The following ST6GAL1 variants were observed in gnomAD, a reference collection of about 807,000 sequenced individuals.
ST6GAL1 encodes beta-galactoside alpha-2,6-sialyltransferase 1.
In ST6GAL1, 20 loss-of-function variants were observed where a neutral mutation model predicts 38.0. That is an observed-to-expected ratio of 0.53 (90% CI 0.37 to 0.77). The LOEUF (loss-of-function observed/expected upper bound fraction) is 0.77. ST6GAL1 is among the 30% of genes least tolerant of loss of function. The pLI is 0.00. For missense variants in ST6GAL1, 432 were observed against 496.4 expected (o/e 0.87, Z 1.23); for synonymous variants, 196 against 188.2 (o/e 1.04, Z -0.34).
intron 2 of ST6GAL1, among the ~76,000 whole-genome samples, chr3:186,995,769 G>A (rs1156822719): frequency 3.9e-5 from 6 of 152,114 alleles, no homozygotes; most frequent in Admixed American, 3.9e-4. Context: ...GCTTGAGCCC[G>A]GGAGGCAGAG....
chr3:187,023,566 T>G (rs1665607420), intron 2 of ST6GAL1, among the ~76,000 whole-genome samples: 1 of 152,216 alleles, frequency 6.6e-6, no homozygotes, highest in Admixed American at 6.5e-5. Context: ...TGAAAAATGA[T>G]GAGTTCACGT....
At chr3:186,935,908 C>T (rs116539265) in intron 1 of ST6GAL1, among the ~76,000 whole-genome samples, 6 of 151,864 alleles carry the variant, frequency 4.0e-5, no homozygotes, top group Non-Finnish European at 7.4e-5. Context: ...AAGAAAAAAA[C>T]CCAGAACCTT....
Position 187,062,574 on chromosome 3 carries a change from T to TCACACACACACACACACACACA in ST6GAL1, c.706-10264_706-10243dup, listed in dbSNP as rs57175575. ...CATTATGCCAAGTGAAATAAGCCAG[T>TCACACACACACACACACACACA]CACACACACACACACACACACACAC... On this transcript the variant is annotated intron_variant, in intron 5 of 7. Transcript: ENST00000169298. Among the ~76,000 whole-genome samples, 139 of 143,914 alleles carry TCACACACACACACACACACACA rather than the reference T, an allele frequency of 9.7e-4. 2 individuals are homozygous for TCACACACACACACACACACACA. Among genetic ancestry groups the TCACACACACACACACACACACA allele is most frequent in the Middle Eastern group, 3.5e-3 (1 of 288 alleles). 94.4% of individuals were successfully genotyped at this position (143,914 alleles called of 152,430 possible).
At chr3:186,961,699 G>A (rs1364920019) in intron 1 of ST6GAL1, among the ~76,000 whole-genome samples, 1 of 152,208 alleles carries the variant, frequency 6.6e-6, no homozygotes, top group Non-Finnish European at 1.5e-5. Context: ...AGGTCCCCAA[G>A]GCTTTTGCCT....
Position 187,069,847 on chromosome 3 carries a change from A to T in ST6GAL1, c.706-3002A>T, listed in dbSNP as rs143098999. 3.4e-3 allele frequency among the ~76,000 whole-genome samples: 525 copies of T among 152,226 alleles called. 1 individual carries two copies. The highest frequency in any genetic ancestry group is 0.012 in the African/African-American group (483 of 41,500). ...CTAGTTGTTCCTGCAAGAGACAGGA[A>T]CACACATCCCCCCACACTAGCTTAA... On this transcript the variant is annotated intron_variant, in intron 5 of 7. Transcript: ENST00000169298.
chr3:187,014,413 C>T (rs1717056937), intron 2 of ST6GAL1, among the ~76,000 whole-genome samples: 1 of 152,212 alleles, frequency 6.6e-6, no homozygotes, highest in African/African-American at 2.4e-5. Context: ...CAGTTACCAG[C>T]CTCTTGATTG....
chr3:187,041,968 T>C (rs1450657995), intron 3 of ST6GAL1: 1 of 152,156 alleles, frequency 6.6e-6, no homozygotes, highest in Non-Finnish European at 1.5e-5. Flanking sequence ...TATCATGAGG[T>C]GAGTCAGCTT....
At chr3:186,996,020 A>G (rs532601109) in intron 2 of ST6GAL1, among the ~76,000 whole-genome samples, 3 of 152,296 alleles carry the variant, frequency 2.0e-5, no homozygotes, top group African/African-American at 7.2e-5. Context: ...CTCCCATCGC[A>G]TGTACCATTC....
intron 1 of ST6GAL1, among the ~76,000 whole-genome samples, chr3:186,940,898 T>C (rs1173890556): frequency 6.6e-6 from 1 of 152,064 alleles, no homozygotes; most frequent in Non-Finnish European, 1.5e-5. Flanking sequence ...TTTCTAAGTG[T>C]TTTTAGACCT....
chr3:187,029,786 AG>A (rs1717675188), intron 2 of ST6GAL1, among the ~76,000 whole-genome samples: 1 of 152,198 alleles, frequency 6.6e-6, no homozygotes, highest in African/African-American at 2.4e-5. Flanking sequence ...GTGATCAAAG[AG>A]GGCAAAGGAC....
chr3:187,073,076 G>T, intron 6 of ST6GAL1, 129 bp downstream of exon 6: 1 of 675,456 alleles, frequency 1.5e-6, no homozygotes, highest in South Asian at 1.8e-5. Flanking sequence ...GAGTTTTAGG[G>T]TACCCCATTT....
chr3:187,075,695 G>C lies in ST6GAL1; in HGVS notation c.1113G>C (p.Pro371=). The change falls in exon 8 of 8, where the codon CCG becomes CCC. Residue 371 remains proline, a synonymous_variant. Coordinates refer to ENST00000169298, the MANE Select transcript of ST6GAL1 (RefSeq NM_173216.2). This position sits in a 1 kb window ranked among gnomAD's most constrained non-coding sequence, Gnocchi z 4.1. ...DSACTMGAYH[P]LLYEKNLVKH... ...CCTGCACGATGGGTGCCTACCACCC[G>C]CTGCTCTATGAGAAGAATTTGGTGA... The C allele has an allele frequency of 6.2e-7, 1 of 1,614,190 alleles. No individual in the cohort carries two copies. The highest frequency in any genetic ancestry group is 8.5e-7 in the Non-Finnish European group (1 of 1,180,032).
At chr3:186,988,711 C>T (rs1716044081) in intron 2 of ST6GAL1, among the ~76,000 whole-genome samples, 3 of 151,958 alleles carry the variant, frequency 2.0e-5, no homozygotes, top group Admixed American at 6.6e-5. Flanking sequence ...GTCAGAAGTT[C>T]GAGACCAGCC....
intron 2 of ST6GAL1, among the ~76,000 whole-genome samples, chr3:186,983,864 C>G (rs929655577): frequency 7.2e-5 from 11 of 152,152 alleles, no homozygotes; most frequent in African/African-American, 2.7e-4. Flanking sequence ...AAAAATTCCA[C>G]TAGCTGATCA....
chr3:186,944,899 AG>A (rs1714303155), intron 1 of ST6GAL1, among the ~76,000 whole-genome samples: 1 of 152,234 alleles, frequency 6.6e-6, no homozygotes, highest in Admixed American at 6.5e-5. Flanking sequence ...TCCAGCTGAG[AG>A]GCCATATGCC....
In ST6GAL1 at chr3:187,048,109, A is replaced by G. The variant is rs949296763; in HGVS notation, c.608-3140A>G. Among the ~76,000 whole-genome samples, 6 of 151,648 alleles carry G rather than the reference A, an allele frequency of 4.0e-5. No individual in the cohort carries two copies. The South Asian group carries it at 6.3e-4, about 16-fold the overall frequency. Reference sequence around the variant, plus strand: ...AGGCGCCTGCCACCATACTCGGCTAATTTTTTTGTATTTTTAGTAGAGACG... The same window carrying G: ...AGGCGCCTGCCACCATACTCGGCTAGTTTTTTTGTATTTTTAGTAGAGACG... On this transcript the variant is annotated intron_variant, in intron 4 of 7. Coordinates refer to ENST00000169298, the MANE Select transcript of ST6GAL1 (RefSeq NM_173216.2).
chr3:187,054,674 T>G (rs964509502), intron 5 of ST6GAL1, among the ~76,000 whole-genome samples: 2 of 152,226 alleles, frequency 1.3e-5, no homozygotes, highest in South Asian at 4.1e-4. Flanking sequence ...GATAAGCTTT[T>G]TGATGCACTG....
intron 1 of ST6GAL1, among the ~76,000 whole-genome samples, chr3:186,947,294 A>G (rs1182939587): frequency 2.0e-5 from 3 of 152,212 alleles, no homozygotes; most frequent in African/African-American, 7.2e-5. Context: ...TCAGCAGCAC[A>G]TACACGAAAA....
chr3:187,053,963 C>G (rs761381572), intron 5 of ST6GAL1, among the ~76,000 whole-genome samples: 1 of 152,006 alleles, frequency 6.6e-6, no homozygotes, highest in Non-Finnish European at 1.5e-5. Flanking sequence ...TTTGTGTCCT[C>G]TTTTATTTTG....
Sources: allele counts gnomAD v4.1 joint callset (sites outside exome capture counted in the v4.1 genomes callset), GRCh38; gene constraint gnomAD v4.1.1; non-coding constraint Gnocchi (gnomAD v3.1); transcripts MANE v1.5; gene names NCBI Gene and HGNC (gene_info 2026-07-23, HGNC 2026-07-21).